Variants in POLN observed in about 807,000 individuals in gnomAD.
POLN encodes DNA polymerase N.
In POLN, 108 loss-of-function variants were observed where a neutral mutation model predicts 113.5. That is an observed-to-expected ratio of 0.95 (90% confidence interval 0.81 to 1.12). POLN has a LOEUF of 1.12. POLN is among the 50% of genes most tolerant of loss of function. The probability of loss-of-function intolerance (pLI) is 0.00; values close to 1 mark genes in which losing one functional copy is unlikely to be tolerated. For missense variants in POLN, 1,097 were observed against 1,077.1 expected, an observed-to-expected ratio of 1.02 and a Z score of -0.26; for synonymous variants, 386 against 391.5, an observed-to-expected ratio of 0.99 and a Z score of 0.17.
At chr4:2,137,890 G>A (rs538318178) in intron 16 of POLN, among the ~76,000 whole-genome samples, 4 of 152,284 alleles carry the variant, frequency 2.6e-5, no homozygotes, top group East Asian at 1.9e-4. Context: ...CCAGGCTGGA[G>A]TGCAGTGGTG....
At chr4:2,105,852 A>G (rs56310793) in intron 19 of POLN, among the ~76,000 whole-genome samples, 1 of 142,522 alleles carries the variant, frequency 7.0e-6, no homozygotes, top group Non-Finnish European at 1.6e-5. Flanking sequence ...GATGATGGTG[A>G]TGATAAAATG....
chr4:2,221,934 G>A (rs1162883754), intron 3 of POLN, among the ~76,000 whole-genome samples: 3 of 152,220 alleles, frequency 2.0e-5, no homozygotes, highest in East Asian at 1.9e-4. Context: ...TTACCAGACC[G>A]AACCAATTAC....
intron 5 of POLN, among the ~76,000 whole-genome samples, chr4:2,200,156 T>C (rs145105115): frequency 7.2e-5 from 11 of 152,338 alleles, no homozygotes; most frequent in Non-Finnish European, 1.5e-4. Context: ...AGCTGGATTT[T>C]TGCATAAATT....
At chr4:2,156,113 T>C (rs970916045) in intron 16 of POLN, among the ~76,000 whole-genome samples, 9 of 152,218 alleles carry the variant, frequency 5.9e-5, no homozygotes, top group Non-Finnish European at 1.2e-4. Context: ...ATTACAGGCA[T>C]GAGCCACCGC....
At chr4:2,108,158 T>C (rs900945791) in intron 19 of POLN, among the ~76,000 whole-genome samples, 1 of 152,176 alleles carries the variant, frequency 6.6e-6, no homozygotes, top group Non-Finnish European at 1.5e-5. Context: ...AGGGCTCAAC[T>C]GTGATGATTC....
rs1050044339 is a variant in POLN, at chr4:2,145,207, G to A, written c.1731+11581C>T. On this transcript the variant is annotated intron_variant, in intron 16 of 25. Coordinates refer to ENST00000511885, the MANE Select transcript of POLN (RefSeq NM_181808.4). Reference sequence around the variant, plus strand: ...TGCTATCATAGAACACATTATAGGCGAAAAAAAAAGAGAATTTGAGGATCT... The same window carrying A: ...TGCTATCATAGAACACATTATAGGCAAAAAAAAAAGAGAATTTGAGGATCT... Among the ~76,000 whole-genome samples the A allele has an allele frequency of 6.7e-5, 10 of 148,784 alleles. No individual in the cohort carries two copies. In the South Asian group the frequency reaches 8.5e-4, roughly 13 times the overall value.
chr4:2,227,796 T>C (rs991832915), intron 3 of POLN: 1 of 152,212 alleles, frequency 6.6e-6, no homozygotes, highest in Non-Finnish European at 1.5e-5. Flanking sequence ...CAGAGCCTCA[T>C]ATTATAGCTG....
intron 9 of POLN, 59 bp downstream of exon 9, chr4:2,176,207 A>T (rs1007804673): frequency 2.9e-6 from 4 of 1,392,624 alleles, no homozygotes; most frequent in Non-Finnish European, 4.0e-6. Context: ...TGCGGGTGCC[A>T]ATGAAAAGAC....
intron 5 of POLN, among the ~76,000 whole-genome samples, chr4:2,205,892 AAT>A (rs1405633295): frequency 2.4e-4 from 36 of 151,784 alleles, no homozygotes; most frequent in African/African-American, 8.5e-4. Context: ...AAAAAAAAAA[AAT>A]CTTAAAATTC....
chr4:2,240,738 G>A, intron 2 of POLN: 1 of 1,613,944 alleles, frequency 6.2e-7, no homozygotes, highest in Non-Finnish European at 8.5e-7. Flanking sequence ...TTCTAGAATA[G>A]GCTTGCCTGA....
chr4:2,124,117 C>T (rs966186313), intron 19 of POLN, among the ~76,000 whole-genome samples: 51 of 152,186 alleles, frequency 3.4e-4, no homozygotes, highest in Non-Finnish European at 4.6e-4. Context: ...TGTACAATTT[C>T]ATTAATGTGA....
At chr4:2,096,344 G>A (rs894062174) in intron 19 of POLN, among the ~76,000 whole-genome samples, 6 of 152,184 alleles carry the variant, frequency 3.9e-5, no homozygotes. Context: ...TTGACTGGAT[G>A]AACAACTCTG....
chr4:2,127,698 AG>A lies in POLN; in HGVS notation c.1982+414del, dbSNP rs1470233727. Among the ~76,000 whole-genome samples the A allele has an allele frequency of 1.3e-5, 2 of 151,998 alleles. No individual in the cohort carries two copies. Among genetic ancestry groups the A allele is most frequent in the African/African-American group, 4.8e-5 (2 of 41,464 alleles). On this transcript the variant is annotated intron_variant, in intron 19 of 25. Transcript: ENST00000511885. This position sits in a 1 kb window ranked among gnomAD's most constrained non-coding sequence, Gnocchi z 4.7. ...CTCTGTGAGTGTAAGCCACTCAGGC[AG>A]GATCTTTCACCCGCAGCTCAAGAAG... is the stretch of plus-strand genomic sequence containing the variant.
chr4:2,081,893 G>C (rs574419737), intron 21 of POLN, 150 bp from the exon 22 acceptor site: 18 of 625,326 alleles, frequency 2.9e-5, no homozygotes, highest in Admixed American at 7.8e-5. Flanking sequence ...GTCTATCATG[G>C]GGGCAAGTGG....
rs765551871 is a variant in POLN at position 2,171,140 on chromosome 4, T to C, written c.1416A>G (p.Ala472=). ...TGCTCGTTATAAGAAACCGTTCTCC[T>C]GCAACAAAATGAGCTTCTTGCTCCA... The part of the protein sequence containing the change: ...KELEQEAHFV[A]GERFLITSNN... The change falls in exon 12 of 26, where the codon GCA becomes GCG. Residue 472 remains alanine (A), a synonymous_variant. Coordinates refer to ENST00000511885, the MANE Select transcript of POLN (RefSeq NM_181808.4). 6.2e-7 allele frequency: 1 copy of C among 1,613,802 alleles called. No homozygotes were observed.
intron 13 of POLN, among the ~76,000 whole-genome samples, chr4:2,163,773 T>C (rs943385604): frequency 6.6e-5 from 10 of 152,234 alleles, no homozygotes; most frequent in African/African-American, 2.2e-4. Context: ...AGGACCATTA[T>C]CCCAGGGCGA....
intron 8 of POLN, among the ~76,000 whole-genome samples, chr4:2,176,594 T>C (rs1197079337): frequency 1.3e-5 from 2 of 152,186 alleles, no homozygotes; most frequent in Admixed American, 6.6e-5. Context: ...CTTCATTTTA[T>C]AGACTGAGAA....
At chr4:2,082,943 T>C (rs1024167650) in intron 21 of POLN, 1 of 152,198 alleles carries the variant, frequency 6.6e-6, no homozygotes, top group Non-Finnish European at 1.5e-5. Flanking sequence ...TAGAGTGGAT[T>C]TGGAATAGCT....
intron 7 of POLN, among the ~76,000 whole-genome samples, chr4:2,183,342 C>T (rs898474212): frequency 2.6e-5 from 4 of 152,168 alleles, no homozygotes; most frequent in African/African-American, 9.7e-5. Context: ...ACGCAAAGAC[C>T]TTTACACCAA....
Sources: allele counts gnomAD v4.1 joint callset (sites outside exome capture counted in the v4.1 genomes callset), GRCh38; gene constraint gnomAD v4.1.1; non-coding constraint Gnocchi (gnomAD v3.1); transcripts MANE v1.5; gene names NCBI Gene and HGNC (gene_info 2026-07-23, HGNC 2026-07-21).